The following VPS8 variants were observed in gnomAD, a reference collection of about 807,000 sequenced individuals.
VPS8 encodes the protein vacuolar protein sorting-associated protein 8 homolog.
VPS8 carries 129 observed loss-of-function variants against 216.4 expected under a neutral mutation model. The ratio of observed to expected loss-of-function variants is 0.60; its 90% CI spans 0.52 to 0.69. VPS8 has a LOEUF of 0.69. Ranked by LOEUF, VPS8 falls within the 30% of genes least tolerant of loss-of-function variation. The probability of loss-of-function intolerance (pLI) is 0.00; values close to 1 mark genes in which losing one functional copy is unlikely to be tolerated. For synonymous variants in VPS8, 571 were observed against 565.4 expected, an observed-to-expected ratio of 1.01 and a Z score of -0.14; for missense variants, 1,531 against 1,683.5, an observed-to-expected ratio of 0.91 and a Z score of 1.59.
At chr3:185,015,296 G>A (rs1755632164) in intron 45 of VPS8, among the ~76,000 whole-genome samples, 1 of 152,216 alleles carries the variant, frequency 6.6e-6, no homozygotes, top group African/African-American at 2.4e-5. Context: ...TAATGTGAGT[G>A]ATATAAAAAG....
At position 184,824,598 on chromosome 3, in the gene VPS8, C is replaced by T. The variant is rs1475294724; in HGVS notation, c.-35C>T. The T allele has an allele frequency of 3.2e-6, 5 of 1,585,220 alleles. No individual in the cohort carries two copies. In the East Asian group the frequency reaches 9.0e-5, roughly 28 times the overall value. ...AGGCCAAACAAACAAAAAACACTTG[C>T]TTTGATGGACTGAATACTGTTATTA... On this transcript the variant is annotated 5_prime_UTR_variant, in exon 2 of 48. Transcript: ENST00000625842.
intron 21 of VPS8, among the ~76,000 whole-genome samples, chr3:184,874,004 ACAAAT>A (rs1407139260): frequency 6.6e-6 from 1 of 152,178 alleles, no homozygotes; most frequent in Non-Finnish European, 1.5e-5. Context: ...ACCGTCAGCC[ACAAAT>A]CCGTTGTTTT....
intron 21 of VPS8, among the ~76,000 whole-genome samples, chr3:184,880,566 G>A (rs1213708879): frequency 6.6e-6 from 1 of 152,100 alleles, no homozygotes; most frequent in African/African-American, 2.4e-5. Context: ...CAATTTTACC[G>A]GTTGAAGAAT....
intron 46 of VPS8, among the ~76,000 whole-genome samples, chr3:185,025,550 T>C (rs1757224472): frequency 1.3e-5 from 2 of 152,240 alleles, no homozygotes; most frequent in South Asian, 4.1e-4. Context: ...ACAAAATATG[T>C]TGTCTGAAAA....
chr3:184,980,813 A>G (rs1750075820), intron 40 of VPS8, among the ~76,000 whole-genome samples: 1 of 152,188 alleles, frequency 6.6e-6, no homozygotes, highest in Non-Finnish European at 1.5e-5. Flanking sequence ...TGAATTCTGT[A>G]TCTGTCATTT....
At chr3:185,017,282 C>T (rs555540537) in intron 45 of VPS8, among the ~76,000 whole-genome samples, 5 of 152,170 alleles carry the variant, frequency 3.3e-5, no homozygotes, top group South Asian at 2.1e-4. Context: ...GCCACGTGGA[C>T]GGCCAGTGCT....
chr3:184,925,924 C>A (rs1278615919), intron 30 of VPS8, among the ~76,000 whole-genome samples: 2 of 151,308 alleles, frequency 1.3e-5, no homozygotes, highest in East Asian at 4.0e-4. Context: ...CAGGCACATA[C>A]CACCACGCCC....
intron 12 of VPS8, 21 bp from the exon 13 acceptor site, chr3:184,854,093 A>G: frequency 6.2e-7 from 1 of 1,613,544 alleles, no homozygotes. Context: ...TCAATATTGA[A>G]AACATATTTT....
intron 4 of VPS8, 24 bp downstream of exon 4, chr3:184,832,843 T>C: frequency 6.3e-7 from 1 of 1,594,508 alleles, no homozygotes; most frequent in Non-Finnish European, 8.5e-7. Flanking sequence ...TCAATCATAC[T>C]TGCTTACAGT....
chr3:184,985,010 T>TGA (rs1648271574), intron 42 of VPS8, among the ~76,000 whole-genome samples: 1 of 152,212 alleles, frequency 6.6e-6, no homozygotes, highest in African/African-American at 2.4e-5. Context: ...TTTCTTATCA[T>TGA]TTTCTATTTT....
At position 185,045,910 on chromosome 3, in the gene VPS8, A is replaced by C. The variant is rs1276718162; in HGVS notation, c.4057-2569A>C. Among the ~76,000 whole-genome samples the C allele has an allele frequency of 2.0e-5, 3 of 152,178 alleles. No homozygotes were observed. In the East Asian group the frequency reaches 5.8e-4, roughly 29 times the overall value. Reference sequence around the variant, plus strand: ...TGTGCTGGCACCCCATGTTAGCCCAACACCCCTCTCCCTGGGGCTCTCAGA... The same window carrying C: ...TGTGCTGGCACCCCATGTTAGCCCACCACCCCTCTCCCTGGGGCTCTCAGA... On this transcript the variant is annotated intron_variant, in intron 46 of 47. Coordinates refer to ENST00000625842, the MANE Select transcript of VPS8 (RefSeq NM_001009921.3).
chr3:184,932,081 T>G (rs1038863161), intron 34 of VPS8, among the ~76,000 whole-genome samples: 2 of 152,184 alleles, frequency 1.3e-5, no homozygotes, highest in African/African-American at 4.8e-5. Context: ...CACCTTGAAC[T>G]TTTTAATCTC....
At chr3:184,860,825 G>T (rs1403129902) in intron 15 of VPS8, among the ~76,000 whole-genome samples, 15 of 142,088 alleles carry the variant, frequency 1.1e-4, no homozygotes, top group East Asian at 2.0e-4. Flanking sequence ...TGACTTCTTG[G>T]TTTTTTTTTT....
rs902539014 is a variant in VPS8 at position 184,961,608 on chromosome 3, T to C, written c.3184-2860T>C. Among the ~76,000 whole-genome samples the C allele has an allele frequency of 1.3e-5, 2 of 152,086 alleles. 1 individual carries two copies. The highest frequency in any genetic ancestry group is 1.3e-4 in the Admixed American group (2 of 15,262). On this transcript the variant is annotated intron_variant, in intron 37 of 47. Coordinates refer to ENST00000625842, the MANE Select transcript of VPS8 (RefSeq NM_001009921.3). ...CCTAAACTGGTGTTTATCCTTCTGA[T>C]CTATGTTTTGAATTTTTTCTATATG...
chr3:184,907,915 C>T (rs1250132690), intron 25 of VPS8, among the ~76,000 whole-genome samples: 2 of 152,156 alleles, frequency 1.3e-5, no homozygotes, highest in African/African-American at 4.8e-5. Context: ...AAATTAGGGC[C>T]TTTGAGAATT....
intron 4 of VPS8, 105 bp downstream of exon 4, chr3:184,832,924 C>T (rs1720304639): frequency 1.5e-6 from 2 of 1,353,088 alleles, no homozygotes; most frequent in Non-Finnish European, 1.0e-6. Context: ...TGAAGCCTTG[C>T]ATGGGAAGTA....
At chr3:184,944,976 A>C (rs983801588) in intron 36 of VPS8, among the ~76,000 whole-genome samples, 1 of 152,156 alleles carries the variant, frequency 6.6e-6, no homozygotes, top group Non-Finnish European at 1.5e-5. Context: ...GAACTTTGAC[A>C]TATTAAAAAA....
chr3:184,943,063 C>T (rs578214219), intron 36 of VPS8, among the ~76,000 whole-genome samples: 2 of 152,230 alleles, frequency 1.3e-5, no homozygotes, highest in East Asian at 3.9e-4. Context: ...CCCTTCTTTC[C>T]AGGGATGCAG....
At chr3:185,049,686 C>T (rs1399055082) in intron 47 of VPS8, among the ~76,000 whole-genome samples, 1 of 152,142 alleles carries the variant, frequency 6.6e-6, no homozygotes, top group African/African-American at 2.4e-5. Flanking sequence ...CTTCTTCACT[C>T]CCCAAATCAC....
Sources: gnomAD v4.1 joint callset for allele counts (sites outside exome capture counted in the v4.1 genomes callset) on GRCh38, gnomAD v4.1.1 for gene constraint, MANE v1.5 for transcripts, NCBI Gene and HGNC (gene_info 2026-07-23, HGNC 2026-07-21) for gene names.